Variants in RGN observed in about 807,000 individuals in gnomAD.
RGN encodes the protein epididymis secretory protein Li 41.
RGN carries 19 observed loss-of-function variants against 20.6 expected under a neutral mutation model. That is an observed-to-expected ratio of 0.92 (90% confidence interval 0.64 to 1.35). RGN has a LOEUF of 1.35. RGN is among the 40% of genes most tolerant of loss of function. RGN has a pLI of 0.00. For synonymous variants in RGN, 85 were observed against 87.2 expected, an observed-to-expected ratio of 0.97 and a Z score of 0.14; for missense variants, 302 against 232.7, an observed-to-expected ratio of 1.30 and a Z score of -1.94.
At position 47,092,213 on chromosome X, in the gene RGN, A is replaced by T; in HGVS notation, c.847A>T (p.Lys283Ter). 8.5e-7 allele frequency: 1 copy of T among 1,173,421 alleles called. No homozygotes were observed. The highest frequency in any genetic ancestry group is 1.1e-6 in the Non-Finnish European group (1 of 875,517). ...LRQPEAGGIF[K>*]ITGLGVKGIA... ...GCAACCTGAAGCTGGTGGAATTTTCAAGGTGATATGGCTATTTCTTTTATT... is the reference window on the plus strand; with the variant it reads ...GCAACCTGAAGCTGGTGGAATTTTCTAGGTGATATGGCTATTTCTTTTATT... Residue 283 changes from lysine to a stop codon, truncating the protein, a stop_gained and splice_region_variant, in exon 7 of 8, where the codon AAG (lysine) becomes TAG (stop). Transcript: ENST00000397180. LOFTEE classifies it high-confidence loss of function.
At chrX:47,082,412 G>A (rs1930376597) in intron 3 of RGN, among the ~76,000 whole-genome samples, 1 of 102,706 alleles carries the variant, frequency 9.7e-6, no homozygotes, top group Non-Finnish European at 2.0e-5. Flanking sequence ...CCAGGCTCAA[G>A]CGATCCTCCC....
chrX:47,092,334 A>G (rs1931053187), intron 7 of RGN, 119 bp downstream of exon 7: 1 of 622,289 alleles, frequency 1.6e-6, no homozygotes, highest in South Asian at 3.7e-5. Flanking sequence ...TAGCATGTTA[A>G]GCTCATCATA....
At chrX:47,085,290 C>T (rs1169225650) in intron 4 of RGN, among the ~76,000 whole-genome samples, 2 of 111,338 alleles carry the variant, frequency 1.8e-5, no homozygotes, top group East Asian at 2.8e-4. Flanking sequence ...AAGGCCGAGG[C>T]GGGCAGATCA....
chrX:47,089,579 TTA>T (rs1251687681), intron 4 of RGN, among the ~76,000 whole-genome samples, 195 bp from the exon 5 acceptor site: 1,538 of 44,069 alleles, frequency 0.035, 24 homozygotes, highest in Middle Eastern at 0.12. Context: ...TATATATACT[TTA>T]TATATATATA....
chrX:47,083,405 A>C (rs1556382378), intron 3 of RGN, among the ~76,000 whole-genome samples: 1 of 111,111 alleles, frequency 9.0e-6, no homozygotes, highest in African/African-American at 3.3e-5. Flanking sequence ...TCTCAAAAAA[A>C]AAAAAAGTTT....
At chrX:47,079,368 GTTTT>G (rs1930189140) in intron 1 of RGN, among the ~76,000 whole-genome samples, 1 of 25,753 alleles carries the variant, frequency 3.9e-5, no homozygotes, top group Non-Finnish European at 8.7e-5. Flanking sequence ...TTTTTTTTTT[GTTTT>G]GTTTTGGTTT....
Position 47,093,192 on chromosome X carries a change from C to T in RGN, c.*245C>T. The stretch of plus-strand genomic sequence containing the variant: ...GGCGAAGAATCGTTCAACTGTCAAT[C>T]AGCCTCTTGATTCTTTGTAAATTGC... On this transcript the variant is annotated 3_prime_UTR_variant, in exon 8 of 8. Coordinates refer to ENST00000397180, the MANE Select transcript of RGN (RefSeq NM_152869.4). The T allele has an allele frequency of 2.7e-6, 1 of 364,761 alleles. No individual in the cohort carries two copies. Among genetic ancestry groups the T allele is most frequent in the Non-Finnish European group, 4.7e-6 (1 of 212,240 alleles). The allele number at this position is 364,761 out of a possible 1,213,427, so 30.1% of individuals were successfully genotyped here. A position where few individuals can be genotyped will look rare whatever the true frequency, so the allele number is the denominator to read the frequency against.
chrX:47,089,581 A>T (rs1006647410), intron 4 of RGN, among the ~76,000 whole-genome samples, 195 bp from the exon 5 acceptor site: 4 of 45,282 alleles, frequency 8.8e-5, no homozygotes, highest in African/African-American at 1.4e-4. Context: ...TATATACTTT[A>T]TATATATATA....
rs11286766 is a variant in RGN, at chrX:47,082,303, C to CTTTTTT, written c.163+1016_163+1021dup. The stretch of plus-strand genomic sequence containing the variant: ...TCTCAACCCAGAACTGGGACCTCAA[C>CTTTTTT]TTTTTTTTTTTTTTTTTTTTTTTTT... On this transcript the variant is annotated intron_variant, in intron 3 of 7. Transcript: ENST00000397180. Among the ~76,000 whole-genome samples, 85 of 59,236 alleles carry CTTTTTT rather than the reference C, an allele frequency of 1.4e-3. 2 individuals are homozygous for CTTTTTT. The highest frequency in any genetic ancestry group is 2.7e-3 in the South Asian group (2 of 736). The allele number at this position is 59,236 out of a possible 115,157, so 51.4% of individuals were successfully genotyped here. A position where few individuals can be genotyped will look rare whatever the true frequency, so the allele number is the denominator to read the frequency against.
chrX:47,090,509 T>G (rs1184712695), intron 5 of RGN, among the ~76,000 whole-genome samples: 1 of 109,697 alleles, frequency 9.1e-6, no homozygotes, highest in Non-Finnish European at 1.9e-5. Flanking sequence ...TAATTGCACG[T>G]TGTCCAACTC....
At chrX:47,083,425 T>C (rs781906358) in intron 3 of RGN, among the ~76,000 whole-genome samples, 4 of 110,449 alleles carry the variant, frequency 3.6e-5, no homozygotes, top group Non-Finnish European at 7.6e-5. Context: ...TTCTTATACA[T>C]GGAAAAATAT....
At chrX:47,082,861 C>T (rs902854361) in intron 3 of RGN, among the ~76,000 whole-genome samples, 34 of 105,273 alleles carry the variant, frequency 3.2e-4, no homozygotes, top group African/African-American at 1.0e-3. Flanking sequence ...CAAGAGAAGT[C>T]TCAGGCTGCA....
At chrX:47,084,368 C>G in intron 3 of RGN, 50 bp from the exon 4 acceptor site, 1 of 1,055,280 alleles carries the variant, frequency 9.5e-7, no homozygotes, top group Non-Finnish European at 1.3e-6. Flanking sequence ...TCTCAGTGGC[C>G]TCAGCCACTA....
At chrX:47,083,203 C>A (rs1051895939) in intron 3 of RGN, among the ~76,000 whole-genome samples, 3 of 110,372 alleles carry the variant, frequency 2.7e-5, no homozygotes, top group African/African-American at 9.9e-5. Flanking sequence ...AGTTCAAGAC[C>A]AGCCTGACCA....
rs890391675 is a variant in RGN, at chrX:47,082,909, C to T, written c.164-1509C>T. Among the ~76,000 whole-genome samples the T allele has an allele frequency of 2.7e-5, 3 of 109,667 alleles. No individual in the cohort carries two copies. The East Asian group carries it at 8.6e-4, about 32-fold the overall frequency. ...CAATGAGAGTGTGTCCTACACATTC[C>T]TTGGGACCCTTGATGGCTCCAATCA... On this transcript the variant is annotated intron_variant, in intron 3 of 7. Coordinates refer to ENST00000397180, the MANE Select transcript of RGN (RefSeq NM_152869.4).
chrX:47,084,137 T>G (rs1216598892), intron 3 of RGN, among the ~76,000 whole-genome samples: 1 of 110,956 alleles, frequency 9.0e-6, no homozygotes, highest in East Asian at 2.8e-4. Flanking sequence ...TCATGGCCAC[T>G]GGGCTTTCAC....
chrX:47,086,729 TAACAG>T (rs1213288593), intron 4 of RGN, among the ~76,000 whole-genome samples: 1 of 59,253 alleles, frequency 1.7e-5, no homozygotes, highest in East Asian at 6.3e-4. Flanking sequence ...GAACCAGTGA[TAACAG>T]GAGAGAGAGA....
In RGN at chrX:47,080,537, G is replaced by A. The variant is rs953818310; in HGVS notation, c.-415G>A. ...CCATGGTCTGCGTTGGAAAATGTGTGTTAGTTCGAATTCAGCGAGTTCTCA... is the reference window on the plus strand; with the variant it reads ...CCATGGTCTGCGTTGGAAAATGTGTATTAGTTCGAATTCAGCGAGTTCTCA... On this transcript the variant is annotated 5_prime_UTR_variant, in exon 2 of 8. Transcript: ENST00000397180. The A allele has an allele frequency of 2.7e-5, 3 of 112,399 alleles. No individual in the cohort carries two copies. Among genetic ancestry groups the A allele is most frequent in the African/African-American group, 9.7e-5 (3 of 30,850 alleles). 9.3% of individuals were successfully genotyped at this position (112,399 alleles called of 1,213,427 possible).
At chrX:47,084,281 T>C (rs1272575924) in intron 3 of RGN, 137 bp from the exon 4 acceptor site, 1 of 459,461 alleles carries the variant, frequency 2.2e-6, no homozygotes, top group Non-Finnish European at 3.6e-6. Flanking sequence ...CCTTCCCTAC[T>C]CAACAGAAGG....
Sources: gnomAD v4.1 joint callset for allele counts (sites outside exome capture counted in the v4.1 genomes callset) on GRCh38, gnomAD v4.1.1 for gene constraint, MANE v1.5 for transcripts, NCBI Gene and HGNC (gene_info 2026-07-23, HGNC 2026-07-21) for gene names.